The following RIC1 variants were observed in gnomAD, a reference collection of about 807,000 sequenced individuals.
The protein encoded by RIC1 is guanine nucleotide exchange factor subunit RIC1.
In RIC1, 88 loss-of-function variants were observed where a neutral mutation model predicts 169.0. The observed-to-expected ratio is 0.52, with a 90% CI of 0.44 to 0.62. The LOEUF is 0.62. Among genes scored for constraint, RIC1 ranks in the 20% least tolerant of loss-of-function variants. The pLI is 0.00. For missense variants in RIC1, 1,877 were observed against 1,725.5 expected, an observed-to-expected ratio of 1.09 and a Z score of -1.56; for synonymous variants, 790 against 601.5, an observed-to-expected ratio of 1.31 and a Z score of -4.59.
chr9:5,720,443 G>C (rs554399072), intron 5 of RIC1, 119 bp downstream of exon 5: 2 of 1,188,854 alleles, frequency 1.7e-6, no homozygotes, highest in South Asian at 3.0e-5. Context: ...GGTGGGCAGA[G>C]TATGAGAGGC....
chr9:5,684,605 A>G (rs1364331319), intron 2 of RIC1, among the ~76,000 whole-genome samples: 1 of 152,138 alleles, frequency 6.6e-6, no homozygotes, highest in African/African-American at 2.4e-5. Context: ...TCCAGCAGTC[A>G]TACTAAACTC....
Position 5,754,939 on chromosome 9 carries a change from T to C in RIC1, c.1692+9T>C, listed in dbSNP as rs183090725. ...ATGACCGTCAAGAAGAGGTAAGTTT[T>C]TTCTCTCAGAAATAACAGATTTTTA... On this transcript the variant is annotated intron_variant, in intron 15 of 25. Transcript: ENST00000414202. 5 of 1,485,574 alleles carry C rather than the reference T, an allele frequency of 3.4e-6. 1 individual carries two copies. In the African/African-American group the frequency reaches 4.1e-5, roughly 12 times the overall value. The allele number at this position is 1,485,574 out of a possible 1,614,324, so 92.0% of individuals were successfully genotyped here. A position where few individuals can be genotyped will look rare whatever the true frequency, so the allele number is the denominator to read the frequency against.
At position 5,662,920 on chromosome 9, in the gene RIC1, T is replaced by C. The variant is rs180682326; in HGVS notation, c.252+6230T>C. Among the ~76,000 whole-genome samples the C allele has an allele frequency of 1.7e-4, 26 of 152,328 alleles. No individual in the cohort carries two copies. In the East Asian group the frequency reaches 2.7e-3, roughly 16 times the overall value. ...GTTTCTCTAGTTCTCTTAGTTGTGG[T>C]GTTAGGTTGTTAACTTGAGATCTTT... On this transcript the variant is annotated intron_variant, in intron 2 of 25. Transcript: ENST00000414202.
chr9:5,629,868 T>G (rs531139140), intron 1 of RIC1, among the ~76,000 whole-genome samples: 5 of 152,258 alleles, frequency 3.3e-5, no homozygotes, highest in Non-Finnish European at 7.3e-5. Flanking sequence ...GGTCGCCGTT[T>G]TGGAGTTAGG....
intron 3 of RIC1, among the ~76,000 whole-genome samples, chr9:5,701,569 G>A (rs1822222478): frequency 6.7e-6 from 1 of 150,348 alleles, no homozygotes; most frequent in Admixed American, 6.6e-5. Flanking sequence ...ACTCCAGCCT[G>A]GGTGACAGAG....
chr9:5,635,449 T>A lies in RIC1; in HGVS notation c.144+5996T>A, dbSNP rs966198954. Among the ~76,000 whole-genome samples, 7 of 152,322 alleles carry A rather than the reference T, an allele frequency of 4.6e-5. No individual in the cohort carries two copies. The East Asian group carries it at 1.3e-3, about 29-fold the overall frequency. ...GTTGAAAAGTCAGTGTTGCAAGATG[T>A]GTTTTCTCCATTCTTAGCACTTTGT... On this transcript the variant is annotated intron_variant, in intron 1 of 25. Coordinates refer to ENST00000414202, the MANE Select transcript of RIC1 (RefSeq NM_020829.4).
intron 2 of RIC1, among the ~76,000 whole-genome samples, chr9:5,671,665 GA>G (rs1216077924): frequency 6.6e-6 from 1 of 152,188 alleles, no homozygotes; most frequent in Non-Finnish European, 1.5e-5. Flanking sequence ...ACAACTAGTA[GA>G]AATGGTTTAA....
chr9:5,696,370 C>G (rs1013078788), intron 3 of RIC1, among the ~76,000 whole-genome samples: 4 of 151,826 alleles, frequency 2.6e-5, no homozygotes, highest in Non-Finnish European at 4.4e-5. Flanking sequence ...GCCTCTATTC[C>G]TTTGTTATTT....
chr9:5,639,071 G>A (rs907854556), intron 1 of RIC1, among the ~76,000 whole-genome samples: 4 of 151,830 alleles, frequency 2.6e-5, no homozygotes, highest in African/African-American at 9.7e-5. Flanking sequence ...GCATGCCACC[G>A]TGCCCAGCTA....
intron 2 of RIC1, among the ~76,000 whole-genome samples, chr9:5,661,906 G>A (rs899290946): frequency 6.6e-6 from 1 of 152,074 alleles, no homozygotes; most frequent in Non-Finnish European, 1.5e-5. Context: ...CTTGTCTTGT[G>A]CCTTTTTTCA....
At chr9:5,687,165 C>G (rs1821300432) in intron 2 of RIC1, among the ~76,000 whole-genome samples, 1 of 152,080 alleles carries the variant, frequency 6.6e-6, no homozygotes, top group South Asian at 2.1e-4. Context: ...TTTAATACCT[C>G]TAGAATTTGT....
chr9:5,681,659 C>G (rs983848073), intron 2 of RIC1, among the ~76,000 whole-genome samples: 1 of 152,158 alleles, frequency 6.6e-6, no homozygotes, highest in African/African-American at 2.4e-5. Context: ...TCTATTAGGT[C>G]TGCTTGGTGC....
Position 5,720,637 on chromosome 9 carries a change from G to T in RIC1, c.607G>T (p.Asp203Tyr). 1 of 1,606,596 alleles carries T rather than the reference G, an allele frequency of 6.2e-7. No homozygotes were observed. ...AGTAGGTTCATTCCTGGGCTTCACAGACGTACACATCAGAGACATGGAATA... is the reference window on the plus strand; with the variant it reads ...AGTAGGTTCATTCCTGGGCTTCACATACGTACACATCAGAGACATGGAATA... ...SRVGSFLGFT[D>Y]VHIRDMEYCA... Residue 203 changes from aspartate (D) to tyrosine (Y), a missense_variant, in exon 6 of 26, where the codon GAC becomes TAC. By Grantham distance (160) the Asp-to-Tyr change is radical. This residue lies in a region of RIC1 where 1,104 missense variants were observed against 992.0 expected (regional missense o/e 1.11). Coordinates refer to ENST00000414202, the MANE Select transcript of RIC1 (RefSeq NM_020829.4).
intron 2 of RIC1, among the ~76,000 whole-genome samples, chr9:5,662,345 A>G (rs1015444444): frequency 6.6e-6 from 1 of 152,158 alleles, no homozygotes; most frequent in Non-Finnish European, 1.5e-5. Flanking sequence ...CTGGCCTCAT[A>G]GAATGAATTA....
chr9:5,764,586 T>G (rs1367875184), intron 19 of RIC1, among the ~76,000 whole-genome samples: 1 of 152,248 alleles, frequency 6.6e-6, no homozygotes, highest in Non-Finnish European at 1.5e-5. Flanking sequence ...TTTCAATCTC[T>G]GCCTGAAGCA....
At chr9:5,654,138 A>G (rs868182777) in intron 1 of RIC1, among the ~76,000 whole-genome samples, 1 of 152,018 alleles carries the variant, frequency 6.6e-6, no homozygotes, top group Non-Finnish European at 1.5e-5. Context: ...AGCTGGGACT[A>G]CAGGTGTGTG....
At chr9:5,660,245 C>T (rs1819372253) in intron 2 of RIC1, among the ~76,000 whole-genome samples, 1 of 152,122 alleles carries the variant, frequency 6.6e-6, no homozygotes. Context: ...TTCTTTTATT[C>T]AGTCTATCAT....
chr9:5,636,329 G>GT (rs1025880431), intron 1 of RIC1, among the ~76,000 whole-genome samples: 14 of 151,300 alleles, frequency 9.3e-5, no homozygotes, highest in African/African-American at 1.5e-4. Flanking sequence ...TTCTTTTTCT[G>GT]TTTTTTTTAG....
At chr9:5,633,273 T>C (rs1817805696) in intron 1 of RIC1, among the ~76,000 whole-genome samples, 1 of 152,184 alleles carries the variant, frequency 6.6e-6, no homozygotes. Context: ...ATTTTATTTG[T>C]ATTTTCCCAG....
Sources: gnomAD v4.1 joint callset for allele counts (sites outside exome capture counted in the v4.1 genomes callset) on GRCh38, gnomAD v4.1.1 for gene constraint, gnomAD v4.1.1 regional missense constraint, MANE v1.5 for transcripts, NCBI Gene and HGNC (gene_info 2026-07-23, HGNC 2026-07-21) for gene names.